PARPBP: variants seen among roughly 807,000 people sequenced by gnomAD.
PARPBP encodes PCNA-interacting partner.
Under a neutral mutation model 50.0 loss-of-function variants are expected in PARPBP, and 52 were observed. The ratio of observed to expected loss-of-function variants is 1.04; its 90% CI spans 0.83 to 1.31. The LOEUF (loss-of-function observed/expected upper bound fraction) is 1.31. Ranked by LOEUF, PARPBP falls within the 50% of genes most tolerant of loss-of-function variation. The pLI is 0.00. For missense variants in PARPBP, 697 were observed against 672.0 expected, an observed-to-expected ratio of 1.04 and a Z score of -0.41; for synonymous variants, 244 against 232.1, an observed-to-expected ratio of 1.05 and a Z score of -0.47.
chr12:102,158,510 C>G (rs1470048175), intron 4 of PARPBP, among the ~76,000 whole-genome samples: 1 of 152,190 alleles, frequency 6.6e-6, no homozygotes, highest in Non-Finnish European at 1.5e-5. Context: ...TTCCTCTTTT[C>G]TGGTACAAGA....
chr12:102,195,616 G>C (rs1384570323), intron 10 of PARPBP, among the ~76,000 whole-genome samples, 169 bp downstream of exon 10: 2 of 151,636 alleles, frequency 1.3e-5, no homozygotes, highest in African/African-American at 4.8e-5. Flanking sequence ...CAAATTTATC[G>C]ATAGGAATAG....
Position 102,197,238 on chromosome 12 carries a change from T to C in PARPBP, c.*947T>C, listed in dbSNP as rs1891392943. On this transcript the variant is annotated 3_prime_UTR_variant, in exon 11 of 11. Transcript: ENST00000327680. ...GGAGTGGAACTATAATACAATTGTA[T>C]AATATTCTTGTTGATCAATTCAAAG... is the stretch of plus-strand genomic sequence containing the variant. 4.1e-6 allele frequency: 5 copies of C among 1,229,284 alleles called. No individual in the cohort carries two copies. Among genetic ancestry groups the C allele is most frequent in the Non-Finnish European group, 5.8e-6 (5 of 857,370 alleles). The allele number at this position is 1,229,284 out of a possible 1,614,324, so 76.1% of individuals were successfully genotyped here.
At chr12:102,143,622 A>G (rs1300486637) in intron 2 of PARPBP, among the ~76,000 whole-genome samples, 1 of 152,200 alleles carries the variant, frequency 6.6e-6, no homozygotes, top group African/African-American at 2.4e-5. Flanking sequence ...ACCTCCTCCT[A>G]AAAATGTAAC....
chr12:102,164,660 T>G, intron 5 of PARPBP, 52 bp downstream of exon 5: 1 of 1,420,944 alleles, frequency 7.0e-7, no homozygotes, highest in Non-Finnish European at 9.9e-7. Context: ...AGTGGATCCA[T>G]GTATCCTAAT....
chr12:102,196,006 TC>T lies in PARPBP; in HGVS notation c.1456del (p.His486IlefsTer66), dbSNP rs775615361. ...STIGTSFGNVHLDRSKNEKVS... is the reference protein window; with the variant it reads ...STIGTSFGNVXLDRSKNEKVS... ...CAATTGGAACGAGTTTTGGAAATGT[TC>T]ATCTGGACAGAAGTAAAAATGAAAA... On this transcript the variant is annotated frameshift_variant, in exon 11 of 11. Coordinates refer to ENST00000327680, the MANE Select transcript of PARPBP (RefSeq NM_017915.5). LOFTEE classifies it low-confidence loss of function (END_TRUNC). 1 of 1,608,896 alleles carries T rather than the reference TC, an allele frequency of 6.2e-7. No homozygotes were observed. The highest frequency in any genetic ancestry group is 1.7e-5 in the Admixed American group (1 of 59,162).
intron 4 of PARPBP, among the ~76,000 whole-genome samples, chr12:102,161,191 C>T (rs1453196571): frequency 1.3e-5 from 2 of 151,982 alleles, no homozygotes; most frequent in Admixed American, 1.3e-4. Context: ...CTGCAATCTA[C>T]ACCTCCCAGG....
chr12:102,155,594 T>TTG (rs1555216733), intron 4 of PARPBP, among the ~76,000 whole-genome samples: 11 of 40,518 alleles, frequency 2.7e-4, no homozygotes, highest in Admixed American at 7.6e-4. Flanking sequence ...GAGAGCATGG[T>TTG]GGGGGGGGGG....
intron 4 of PARPBP, among the ~76,000 whole-genome samples, chr12:102,158,070 G>A (rs1044888094): frequency 7.1e-6 from 1 of 140,984 alleles, no homozygotes; most frequent in African/African-American, 2.7e-5. Context: ...GCAGTGAGCC[G>A]AGATGGTGCC....
intron 2 of PARPBP, among the ~76,000 whole-genome samples, chr12:102,139,270 C>A (rs1884168243): frequency 6.6e-6 from 1 of 152,124 alleles, no homozygotes; most frequent in Non-Finnish European, 1.5e-5. Context: ...AGAGTTCACT[C>A]ATGATTTGGC....
chr12:102,128,664 CTT>C (rs2137258514), intron 2 of PARPBP, among the ~76,000 whole-genome samples: 1 of 152,274 alleles, frequency 6.6e-6, no homozygotes, highest in Admixed American at 6.5e-5. Context: ...GGATTTCTCT[CTT>C]TTATGGGGCT....
At chr12:102,120,348 C>A in intron 1 of PARPBP, 62 bp downstream of exon 1, 1 of 390,296 alleles carries the variant, frequency 2.6e-6, no homozygotes, top group Non-Finnish European at 5.2e-6. Flanking sequence ...CAGGCTGTGG[C>A]TTTTGAGGGT....
At chr12:102,147,092 A>G (rs975300510) in intron 2 of PARPBP, among the ~76,000 whole-genome samples, 2 of 152,216 alleles carry the variant, frequency 1.3e-5, no homozygotes, top group Non-Finnish European at 2.9e-5. Context: ...GGATGTGGAA[A>G]AATAGGAACA....
intron 2 of PARPBP, among the ~76,000 whole-genome samples, chr12:102,143,168 A>G (rs1379630828): frequency 6.6e-6 from 1 of 152,162 alleles, no homozygotes; most frequent in Non-Finnish European, 1.5e-5. Context: ...CACTTTGTTT[A>G]CCTACTGAAG....
intron 1 of PARPBP, among the ~76,000 whole-genome samples, chr12:102,121,969 C>A (rs554332595): frequency 6.6e-6 from 1 of 152,242 alleles, no homozygotes; most frequent in South Asian, 2.1e-4. Flanking sequence ...TGTCATAAAA[C>A]CCTATGGGAT....
intron 9 of PARPBP, among the ~76,000 whole-genome samples, chr12:102,186,587 A>G (rs1211056798): frequency 6.6e-6 from 1 of 152,146 alleles, no homozygotes; most frequent in Non-Finnish European, 1.5e-5. Context: ...TAAGTAAGTT[A>G]TTATAAGTAC....
At chr12:102,162,180 T>C (rs1035732345) in intron 4 of PARPBP, among the ~76,000 whole-genome samples, 4 of 152,246 alleles carry the variant, frequency 2.6e-5, no homozygotes, top group African/African-American at 9.6e-5. Context: ...TAATTTTTTA[T>C]TGCTGCCTTT....
chr12:102,185,010 A>G (rs571008177), intron 9 of PARPBP, among the ~76,000 whole-genome samples: 1 of 152,314 alleles, frequency 6.6e-6, no homozygotes, highest in African/African-American at 2.4e-5. Flanking sequence ...TAGAATTTTG[A>G]TGTACTTGCT....
At chr12:102,149,527 C>T (rs1260176824) in intron 3 of PARPBP, among the ~76,000 whole-genome samples, 3 of 152,208 alleles carry the variant, frequency 2.0e-5, no homozygotes, top group Admixed American at 6.5e-5. Context: ...TAAGGAAGAA[C>T]AGCACTTTGC....
At chr12:102,183,193 A>T (rs2137001738) in intron 9 of PARPBP, among the ~76,000 whole-genome samples, 1 of 152,284 alleles carries the variant, frequency 6.6e-6, no homozygotes, top group South Asian at 2.1e-4. Flanking sequence ...CTTATTTTTC[A>T]AAAAGAAATT....
Sources: allele counts gnomAD v4.1 joint callset (sites outside exome capture counted in the v4.1 genomes callset), GRCh38; gene constraint gnomAD v4.1.1; transcripts MANE v1.5; gene names NCBI Gene and HGNC (gene_info 2026-07-23, HGNC 2026-07-21).